The following COL25A1 variants were observed in gnomAD, a reference collection of about 807,000 sequenced individuals.
The protein encoded by COL25A1 is collagen alpha-1(XXV) chain.
COL25A1 carries 103 observed loss-of-function variants against 128.4 expected under a neutral mutation model. The observed-to-expected ratio is 0.80, with a 90% CI of 0.68 to 0.94. The LOEUF (loss-of-function observed/expected upper bound fraction) is 0.94, where lower values mean the gene tolerates loss of function less well. Among genes scored for constraint, COL25A1 ranks in the 40% least tolerant of loss-of-function variants. The probability of loss-of-function intolerance (pLI) is 0.00; values close to 1 mark genes in which losing one functional copy is unlikely to be tolerated. For synonymous variants in COL25A1, 279 were observed against 277.2 expected (o/e 1.01, Z -0.06); for missense variants, 745 against 840.0 (o/e 0.89, Z 1.40).
intron 18 of COL25A1, 87 bp downstream of exon 18, chr4:108,889,134 A>G: frequency 8.4e-7 from 1 of 1,188,466 alleles, no homozygotes; most frequent in Non-Finnish European, 1.2e-6. Context: ...TCATTTTGTA[A>G]TAATTGTTTT....
chr4:108,860,553 AT>A (rs1324236072), intron 23 of COL25A1, among the ~76,000 whole-genome samples: 1 of 152,118 alleles, frequency 6.6e-6, no homozygotes, highest in Non-Finnish European at 1.5e-5. Context: ...CTTAATTTCC[AT>A]TAGTCATGTC....
intron 3 of COL25A1, among the ~76,000 whole-genome samples, chr4:109,092,628 T>C (rs1765020361): frequency 6.6e-6 from 1 of 152,222 alleles, no homozygotes; most frequent in Non-Finnish European, 1.5e-5. Context: ...AAGGTACTTG[T>C]ACTAAATTAT....
chr4:108,893,329 C>T (rs1178495496), intron 16 of COL25A1, among the ~76,000 whole-genome samples: 1 of 152,118 alleles, frequency 6.6e-6, no homozygotes, highest in Admixed American at 6.5e-5. Context: ...GCACAAATAC[C>T]CCATTTCGCA....
At chr4:109,148,166 C>T (rs910243065) in intron 3 of COL25A1, among the ~76,000 whole-genome samples, 2 of 152,126 alleles carry the variant, frequency 1.3e-5, no homozygotes, top group Non-Finnish European at 2.9e-5. Context: ...GAGAATGTTT[C>T]AGTTCAAATA....
chr4:109,178,697 TG>T lies in COL25A1; in HGVS notation c.367+121885del, dbSNP rs1408036902. 3.3e-5 allele frequency among the ~76,000 whole-genome samples: 5 copies of T among 151,712 alleles called. No homozygotes were observed. The East Asian group carries it at 9.7e-4, about 30-fold the overall frequency. ...ACAAAACAAAAAAATTAGCCAGGTG[TG>T]GTGGCGGGCGCCTGTAGGCCCAGCT... On this transcript the variant is annotated intron_variant, in intron 3 of 37. Transcript: ENST00000399132.
chr4:108,860,914 G>A lies in COL25A1; in HGVS notation c.1242+13C>T. Reference sequence around the variant, plus strand: ...AGGGAGCAAAAGTTTAGATGGATGAGAGGAACACTCACCCTTGGTCCCTGA... The same window carrying A: ...AGGGAGCAAAAGTTTAGATGGATGAAAGGAACACTCACCCTTGGTCCCTGA... On this transcript the variant is annotated intron_variant, in intron 23 of 37. Coordinates refer to ENST00000399132, the MANE Select transcript of COL25A1 (RefSeq NM_198721.4). 3 of 1,612,760 alleles carry A rather than the reference G, an allele frequency of 1.9e-6. No individual in the cohort carries two copies. The highest frequency in any genetic ancestry group is 2.5e-6 in the Non-Finnish European group (3 of 1,178,844).
chr4:108,853,391 T>C (rs1736050846), intron 24 of COL25A1, among the ~76,000 whole-genome samples: 1 of 56,302 alleles, frequency 1.8e-5, no homozygotes, highest in Non-Finnish European at 4.8e-5. Context: ...CGTGTGTGTG[T>C]GTGCGTGTGT....
intron 5 of COL25A1, among the ~76,000 whole-genome samples, chr4:109,043,586 T>TG (rs1553920672): frequency 4.0e-5 from 6 of 151,262 alleles, no homozygotes; most frequent in African/African-American, 1.5e-4. Flanking sequence ...AACAGCCAGT[T>TG]AAAAAAAAGG....
intron 16 of COL25A1, among the ~76,000 whole-genome samples, chr4:108,896,229 TGA>T (rs891424636): frequency 1.1e-4 from 16 of 152,028 alleles, no homozygotes; most frequent in Non-Finnish European, 5.9e-5. Flanking sequence ...ATTACAGGCC[TGA>T]GTCACTGTGC....
intron 3 of COL25A1, among the ~76,000 whole-genome samples, chr4:109,238,720 C>G (rs1387418044): frequency 6.6e-6 from 1 of 152,084 alleles, no homozygotes; most frequent in African/African-American, 2.4e-5. Flanking sequence ...CACAGCAGCT[C>G]TGCTTCTCCT....
At chr4:109,145,890 C>G (rs1423826481) in intron 3 of COL25A1, among the ~76,000 whole-genome samples, 1 of 152,106 alleles carries the variant, frequency 6.6e-6, no homozygotes, top group African/African-American at 2.4e-5. Flanking sequence ...AAATACTCAT[C>G]TTTACCACTT....
intron 3 of COL25A1, among the ~76,000 whole-genome samples, chr4:109,143,556 T>C (rs760365848): frequency 2.0e-5 from 3 of 152,230 alleles, no homozygotes; most frequent in African/African-American, 7.2e-5. Context: ...CAAACATAGG[T>C]TTGGTCTTTT....
chr4:108,969,347 C>T (rs1276677206), intron 8 of COL25A1, among the ~76,000 whole-genome samples: 5 of 152,200 alleles, frequency 3.3e-5, no homozygotes, highest in Non-Finnish European at 7.3e-5. Flanking sequence ...CTCTATCCTT[C>T]CTGCTGATAT....
chr4:109,271,279 T>A (rs374746768), intron 3 of COL25A1, among the ~76,000 whole-genome samples: 1 of 152,208 alleles, frequency 6.6e-6, no homozygotes, highest in African/African-American at 2.4e-5. Context: ...AAAATAAGGT[T>A]CTTGGTTAAA....
At chr4:109,018,781 T>G (rs1057383154) in intron 5 of COL25A1, among the ~76,000 whole-genome samples, 1 of 152,214 alleles carries the variant, frequency 6.6e-6, no homozygotes, top group African/African-American at 2.4e-5. Flanking sequence ...AATAATATTT[T>G]TAAAGAACCA....
At chr4:109,172,051 A>G (rs914574091) in intron 3 of COL25A1, among the ~76,000 whole-genome samples, 1 of 152,126 alleles carries the variant, frequency 6.6e-6, no homozygotes, top group Non-Finnish European at 1.5e-5. Flanking sequence ...TAAGGTGTAT[A>G]TGTCCTGCAG....
chr4:109,139,588 C>A (rs1478818993), intron 3 of COL25A1, among the ~76,000 whole-genome samples: 1 of 152,068 alleles, frequency 6.6e-6, no homozygotes, highest in Non-Finnish European at 1.5e-5. Flanking sequence ...AATCTTTTCC[C>A]TGTTGCTTGT....
intron 13 of COL25A1, among the ~76,000 whole-genome samples, chr4:108,912,026 GA>G (rs1021732846): frequency 6.6e-6 from 1 of 151,934 alleles, no homozygotes; most frequent in Non-Finnish European, 1.5e-5. Flanking sequence ...AAGCCAGCAG[GA>G]AAAAACTTCC....
intron 3 of COL25A1, among the ~76,000 whole-genome samples, chr4:109,175,965 C>T (rs1469069159): frequency 6.6e-6 from 1 of 152,170 alleles, no homozygotes; most frequent in Non-Finnish European, 1.5e-5. Flanking sequence ...TTGTTTGATA[C>T]AACTGCATTA....
Sources: allele counts gnomAD v4.1 joint callset (sites outside exome capture counted in the v4.1 genomes callset), GRCh38; gene constraint gnomAD v4.1.1; transcripts MANE v1.5; gene names NCBI Gene and HGNC (gene_info 2026-07-23, HGNC 2026-07-21).